The following KASH5 variants were observed in gnomAD, a reference collection of about 807,000 sequenced individuals.
The protein encoded by KASH5 is protein KASH5.
A neutral mutation model predicts 84.2 loss-of-function variants in KASH5; 72 were observed. That is an observed-to-expected ratio of 0.85 (90% CI 0.71 to 1.04). KASH5 has a LOEUF of 1.04. Among genes scored for constraint, KASH5 ranks in the 50% least tolerant of loss-of-function variants. The pLI, the probability that KASH5 is intolerant of heterozygous loss-of-function variation, is 0.00. For missense variants in KASH5, 650 were observed against 701.0 expected, an observed-to-expected ratio of 0.93 and a Z score of 0.82; for synonymous variants, 260 against 279.1, an observed-to-expected ratio of 0.93 and a Z score of 0.68.
chr19:49,392,438 C>T (rs1239215186), intron 2 of KASH5, among the ~76,000 whole-genome samples: 1 of 152,126 alleles, frequency 6.6e-6, no homozygotes, highest in Non-Finnish European at 1.5e-5. Flanking sequence ...TCCTGAGGAA[C>T]AGAAATGACA....
chr19:49,398,600 C>T (rs548868637), intron 7 of KASH5, among the ~76,000 whole-genome samples: 1 of 152,290 alleles, frequency 6.6e-6, no homozygotes, highest in East Asian at 1.9e-4. Flanking sequence ...AACTCCTGGG[C>T]TCAAGCCATC....
intron 15 of KASH5, among the ~76,000 whole-genome samples, chr19:49,411,954 AGG>A (rs1264597259): frequency 1.3e-5 from 2 of 150,434 alleles, no homozygotes; most frequent in Non-Finnish European, 3.0e-5. Flanking sequence ...GAAGGAAGGA[AGG>A]AAGGAAGGAA....
At chr19:49,392,434 G>C (rs532212132) in intron 2 of KASH5, among the ~76,000 whole-genome samples, 1 of 152,290 alleles carries the variant, frequency 6.6e-6, no homozygotes, top group African/African-American at 2.4e-5. Context: ...ATCTTCCTGA[G>C]GAACAGAAAT....
intron 3 of KASH5, 120 bp downstream of exon 3, chr19:49,394,700 C>A: frequency 1.4e-6 from 1 of 714,898 alleles, no homozygotes; most frequent in Non-Finnish European, 2.4e-6. Flanking sequence ...ATTGTAAGAA[C>A]AAAGTGGGTG....
At chr19:49,388,947 C>G (rs997734766) in intron 1 of KASH5, among the ~76,000 whole-genome samples, 8 of 151,900 alleles carry the variant, frequency 5.3e-5, no homozygotes, top group Admixed American at 2.6e-4. Flanking sequence ...CCTCAGATTC[C>G]GTCAGAGAGC....
chr19:49,398,377 T>C (rs1361336498), intron 7 of KASH5, among the ~76,000 whole-genome samples: 5 of 151,830 alleles, frequency 3.3e-5, no homozygotes, highest in Admixed American at 6.6e-5. Context: ...TCTCTCTTTT[T>C]TTTTTTTTTG....
intron 2 of KASH5, 95 bp from the exon 3 acceptor site, chr19:49,394,381 C>G (rs1974104621): frequency 2.2e-6 from 2 of 918,246 alleles, no homozygotes; most frequent in Non-Finnish European, 1.7e-6. Context: ...TGAATTCCCT[C>G]CCCGCTACAG....
Position 49,395,876 on chromosome 19 carries a change from C to G in KASH5, c.400+43C>G, listed in dbSNP as rs1974160583. 1 of 1,514,202 alleles carries G rather than the reference C, an allele frequency of 6.6e-7. No homozygotes were observed. Among genetic ancestry groups the G allele is most frequent in the Non-Finnish European group, 8.9e-7 (1 of 1,118,240 alleles). 93.8% of individuals were successfully genotyped at this position (1,514,202 alleles called of 1,614,324 possible). A position where few individuals can be genotyped will look rare whatever the true frequency, so the allele number is the denominator to read the frequency against. On this transcript the variant is annotated intron_variant, in intron 5 of 19. Coordinates refer to ENST00000447857, the MANE Select transcript of KASH5 (RefSeq NM_144688.5). The surrounding 1 kb of genome is among the most constrained non-coding windows in gnomAD (Gnocchi z 4.4). ...AGAATGAAGCAGGCAGGCCCTGGGT[C>G]AGACAGTGTGGGGACTTACCACCCA...
chr19:49,414,916 A>G lies in KASH5; in HGVS notation c.1329-35A>G, dbSNP rs1384394999. On this transcript the variant is annotated intron_variant, in intron 16 of 19. Coordinates refer to ENST00000447857, the MANE Select transcript of KASH5 (RefSeq NM_144688.5). The surrounding 1 kb of genome is among the most constrained non-coding windows in gnomAD (Gnocchi z 4.5). Reference sequence around the variant, plus strand: ...GTAGGCAAAGGGAACCAGGGAGAAGAGGACGAAGCCAGCAGTGACTTTGTT... The same window carrying G: ...GTAGGCAAAGGGAACCAGGGAGAAGGGGACGAAGCCAGCAGTGACTTTGTT... The G allele has an allele frequency of 6.2e-7, 1 of 1,604,106 alleles. No homozygotes were observed. Among genetic ancestry groups the G allele is most frequent in the Admixed American group, 1.7e-5 (1 of 58,414 alleles).
chr19:49,398,947 C>G (rs1462466470), intron 7 of KASH5, 78 bp from the exon 8 acceptor site: 3 of 1,110,276 alleles, frequency 2.7e-6, no homozygotes, highest in South Asian at 1.4e-5. Flanking sequence ...TTGCTAGTGT[C>G]TCTCAGAATG....
chr19:49,390,693 G>A lies in KASH5; in HGVS notation c.-95-96G>A, dbSNP rs1329356162. ...TCACAGCGGGGGTGACAAACAGGTTGTGAGGACCCAGAGGTCCTGGGGCAC... is the reference window on the plus strand; with the variant it reads ...TCACAGCGGGGGTGACAAACAGGTTATGAGGACCCAGAGGTCCTGGGGCAC... On this transcript the variant is annotated intron_variant, in intron 1 of 19. Transcript: ENST00000447857. 31 of 545,022 alleles carry A rather than the reference G, an allele frequency of 5.7e-5. No individual in the cohort carries two copies. In the Admixed American group the frequency reaches 7.1e-4, roughly 13 times the overall value. The allele number at this position is 545,022 out of a possible 1,614,324, so 33.8% of individuals were successfully genotyped here.
In KASH5 at chr19:49,395,004, G is replaced by A; in HGVS notation, c.149-102G>A. 2.3e-6 allele frequency: 2 copies of A among 884,352 alleles called. No individual in the cohort carries two copies. The highest frequency in any genetic ancestry group is 3.5e-4 in the Middle Eastern group (1 of 2,868). The allele number at this position is 884,352 out of a possible 1,614,324, so 54.8% of individuals were successfully genotyped here. ...CTCCACTGGGCCATGGAGCAGGAGT[G>A]CCACCAGCCTAGCCAGTGACATCCT... is the stretch of plus-strand genomic sequence containing the variant. On this transcript the variant is annotated intron_variant, in intron 3 of 19. Coordinates refer to ENST00000447857, the MANE Select transcript of KASH5 (RefSeq NM_144688.5). The surrounding 1 kb of genome is among the most constrained non-coding windows in gnomAD (Gnocchi z 4.4).
At chr19:49,397,783 C>T (rs1974229686) in intron 6 of KASH5, 66 bp downstream of exon 6, 13 of 1,563,078 alleles carry the variant, frequency 8.3e-6, no homozygotes, top group Non-Finnish European at 1.1e-5. Context: ...CCTGCCGAGG[C>T]CCGGGTAGGG....
intron 5 of KASH5, 136 bp from the exon 6 acceptor site, chr19:49,397,515 C>A: frequency 1.4e-6 from 1 of 735,146 alleles, no homozygotes; most frequent in Non-Finnish European, 2.3e-6. Context: ...GGTATAACTG[C>A]AGCCCCAAAA....
At position 49,399,219 on chromosome 19, in the gene KASH5, T is replaced by A; in HGVS notation, c.747+77T>A. The A allele has an allele frequency of 7.7e-7, 1 of 1,296,060 alleles. No individual in the cohort carries two copies. The highest frequency in any genetic ancestry group is 1.1e-6 in the Non-Finnish European group (1 of 939,310). 80.3% of individuals were successfully genotyped at this position (1,296,060 alleles called of 1,614,324 possible). On this transcript the variant is annotated intron_variant, in intron 8 of 19. Transcript: ENST00000447857. The surrounding 1 kb of genome is among the most constrained non-coding windows in gnomAD (Gnocchi z 4.4). ...GAGTCAGGGCGGCAGAGTGTGACTA[T>A]GGAGTAGGAAGGGGCAGAGGTCACC...
chr19:49,405,740 T>C (rs887379447), intron 9 of KASH5, among the ~76,000 whole-genome samples: 15 of 151,772 alleles, frequency 9.9e-5, no homozygotes, highest in Non-Finnish European at 2.1e-4. Flanking sequence ...GTGGATCGCC[T>C]GAGGTCAGGA....
intron 16 of KASH5, 144 bp downstream of exon 16, chr19:49,413,170 G>A: frequency 1.2e-6 from 1 of 804,516 alleles, no homozygotes; most frequent in East Asian, 2.7e-5. Context: ...ACCTGGGCCT[G>A]TAGGCCAGGA....
In KASH5 at chr19:49,414,864, G is replaced by A. The variant is rs568647440; in HGVS notation, c.1329-87G>A. 3.6e-5 allele frequency: 55 copies of A among 1,517,192 alleles called. No individual in the cohort carries two copies. The Middle Eastern group carries it at 1.0e-3, about 28-fold the overall frequency. The allele number at this position is 1,517,192 out of a possible 1,614,324, so 94.0% of individuals were successfully genotyped here. A position where few individuals can be genotyped will look rare whatever the true frequency, so the allele number is the denominator to read the frequency against. On this transcript the variant is annotated intron_variant, in intron 16 of 19. Transcript: ENST00000447857. This position sits in a 1 kb window ranked among gnomAD's most constrained non-coding sequence, Gnocchi z 4.5. ...TGCCTGGCCTGTGCTAAGACCCCCT[G>A]CTCCAAGGCTTCTCTCCCAGCCCAT...
At position 49,395,558 on chromosome 19, in the gene KASH5, C is replaced by G; in HGVS notation, c.336-211C>G. 1 of 620,014 alleles carries G rather than the reference C, an allele frequency of 1.6e-6. No homozygotes were observed. Among genetic ancestry groups the G allele is most frequent in the Non-Finnish European group, 2.8e-6 (1 of 355,948 alleles). 38.4% of individuals were successfully genotyped at this position (620,014 alleles called of 1,614,324 possible). ...GAGGAGTTTGGGGCTGACAGAGGTC[C>G]CTCCCCAACCCTTCACCAAACCCAC... is the stretch of plus-strand genomic sequence containing the variant. On this transcript the variant is annotated intron_variant, in intron 4 of 19. Coordinates refer to ENST00000447857, the MANE Select transcript of KASH5 (RefSeq NM_144688.5). The surrounding 1 kb of genome is among the most constrained non-coding windows in gnomAD (Gnocchi z 4.4).
Sources: allele counts gnomAD v4.1 joint callset (sites outside exome capture counted in the v4.1 genomes callset), GRCh38; gene constraint gnomAD v4.1.1; non-coding constraint Gnocchi (gnomAD v3.1); transcripts MANE v1.5; gene names NCBI Gene and HGNC (gene_info 2026-07-23, HGNC 2026-07-21).